Variants in ERC2 observed in about 807,000 individuals in gnomAD.
ERC2 encodes the protein ELKS/RAB6-interacting/CAST family member 2, also known as ERC protein 2.
Under a neutral mutation model 114.8 loss-of-function variants are expected in ERC2, and 42 were observed. That is an observed-to-expected ratio of 0.37 (90% confidence interval 0.29 to 0.47). The LOEUF (loss-of-function observed/expected upper bound fraction) is 0.47. Among genes scored for constraint, ERC2 ranks in the 20% least tolerant of loss-of-function variants. The pLI is 0.99. For synonymous variants in ERC2, 454 were observed against 425.5 expected (o/e 1.07, Z -0.82); for missense variants, 939 against 1,150.7 (o/e 0.82, Z 2.66).
At chr3:55,875,724 A>ACACACACTCTCT (rs1491351730) in intron 14 of ERC2, among the ~76,000 whole-genome samples, 8 of 141,022 alleles carry the variant, frequency 5.7e-5, no homozygotes, top group African/African-American at 1.9e-4. Context: ...ACACACACAC[A>ACACACACTCTCT]CTCTCTCTCT....
At chr3:55,895,048 C>T (rs1002603128) in intron 13 of ERC2, among the ~76,000 whole-genome samples, 2 of 152,222 alleles carry the variant, frequency 1.3e-5, no homozygotes, top group East Asian at 1.9e-4. Context: ...GCCCTGTCTA[C>T]ACCTGACCTC....
intron 8 of ERC2, 82 bp downstream of exon 8, chr3:56,018,812 C>T (rs2073497661): frequency 1.5e-5 from 22 of 1,455,542 alleles, no homozygotes; most frequent in Non-Finnish European, 2.0e-5. Context: ...GAAAAGCAGG[C>T]ACATTTAAAT....
At chr3:56,277,576 T>G (rs2054084421) in intron 3 of ERC2, among the ~76,000 whole-genome samples, 1 of 152,082 alleles carries the variant, frequency 6.6e-6, no homozygotes, top group East Asian at 1.9e-4. Flanking sequence ...GGCATCTTCT[T>G]ATATTCCTTT....
intron 7 of ERC2, among the ~76,000 whole-genome samples, chr3:56,055,663 G>A (rs1237423167): frequency 6.6e-6 from 1 of 152,202 alleles, no homozygotes; most frequent in African/African-American, 2.4e-5. Flanking sequence ...AATGGAGGCT[G>A]GCTTCCAAAT....
At chr3:55,584,721 G>A (rs1182885974) in intron 17 of ERC2, among the ~76,000 whole-genome samples, 1 of 152,198 alleles carries the variant, frequency 6.6e-6, no homozygotes, top group Non-Finnish European at 1.5e-5. Context: ...CAAATACGGT[G>A]GGGAGAGAAA....
chr3:56,333,770 G>A (rs2057735317), intron 2 of ERC2, among the ~76,000 whole-genome samples: 1 of 151,876 alleles, frequency 6.6e-6, no homozygotes, highest in African/African-American at 2.4e-5. Flanking sequence ...TCACCCTTCA[G>A]GAAATTGACT....
At chr3:55,855,619 A>G (rs2061756023) in intron 14 of ERC2, among the ~76,000 whole-genome samples, 1 of 152,232 alleles carries the variant, frequency 6.6e-6, no homozygotes, top group Non-Finnish European at 1.5e-5. Flanking sequence ...AATTTCCTCT[A>G]AATGCTTAAA....
At chr3:55,721,205 T>G (rs2064528023) in intron 15 of ERC2, among the ~76,000 whole-genome samples, 1 of 152,226 alleles carries the variant, frequency 6.6e-6, no homozygotes, top group Non-Finnish European at 1.5e-5. Context: ...CAACCACTTA[T>G]CAGCTCTGTG....
chr3:55,618,956 C>T (rs2059226692), intron 17 of ERC2, among the ~76,000 whole-genome samples: 1 of 152,162 alleles, frequency 6.6e-6, no homozygotes, highest in African/African-American at 2.4e-5. Context: ...GCCTTATCAG[C>T]ACATATAACT....
intron 3 of ERC2, among the ~76,000 whole-genome samples, chr3:56,206,396 A>G (rs6763223): frequency 0.3 from 45,899 of 152,148 alleles, 8,495 homozygotes; most frequent in Middle Eastern, 0.41. Context: ...ATAAGTCAAC[A>G]TATGAAAAGC....
intron 14 of ERC2, among the ~76,000 whole-genome samples, chr3:55,749,001 C>T (rs1490511147): frequency 6.6e-6 from 1 of 152,080 alleles, no homozygotes; most frequent in African/African-American, 2.4e-5. Context: ...ATTTTATATC[C>T]TCAGAGATGT....
intron 10 of ERC2, among the ~76,000 whole-genome samples, chr3:55,992,594 T>G (rs2071169940): frequency 6.6e-6 from 1 of 152,176 alleles, no homozygotes; most frequent in Non-Finnish European, 1.5e-5. Context: ...CCTAAGACAA[T>G]TCAACTCCTC....
intron 2 of ERC2, among the ~76,000 whole-genome samples, chr3:56,403,242 T>C (rs1223692499): frequency 6.6e-6 from 1 of 152,246 alleles, no homozygotes; most frequent in East Asian, 1.9e-4. Flanking sequence ...TATAACTGTT[T>C]CAAAACTCAT....
chr3:55,531,344 C>G (rs1291733584), intron 17 of ERC2, among the ~76,000 whole-genome samples: 1 of 152,156 alleles, frequency 6.6e-6, no homozygotes, highest in Non-Finnish European at 1.5e-5. Flanking sequence ...AAAGCAAGCA[C>G]AGTTTCCCTT....
At chr3:55,683,401 C>T (rs139311210) in intron 17 of ERC2, among the ~76,000 whole-genome samples, 1 of 152,282 alleles carries the variant, frequency 6.6e-6, no homozygotes, top group Non-Finnish European at 1.5e-5. Flanking sequence ...AGAGTCACAC[C>T]ACACTGGCAT....
intron 2 of ERC2, among the ~76,000 whole-genome samples, chr3:56,338,488 G>C (rs1237574216): frequency 6.6e-6 from 1 of 152,092 alleles, no homozygotes; most frequent in Admixed American, 6.5e-5. Flanking sequence ...TGAGAAGATG[G>C]GCCTGCCACC....
chr3:56,213,940 G>C (rs2049263849), intron 3 of ERC2, among the ~76,000 whole-genome samples: 1 of 152,186 alleles, frequency 6.6e-6, no homozygotes. Context: ...TGCAGCTGAA[G>C]GTCCTGACTG....
At chr3:56,193,506 CAA>C (rs369281879) in intron 3 of ERC2, among the ~76,000 whole-genome samples, 3 of 128,718 alleles carry the variant, frequency 2.3e-5, no homozygotes, top group Non-Finnish European at 3.3e-5. Context: ...GACTCTGTCT[CAA>C]AAAAAAAAAA....
At chr3:56,010,982 G>A (rs749329586) in intron 8 of ERC2, among the ~76,000 whole-genome samples, 1 of 152,154 alleles carries the variant, frequency 6.6e-6, no homozygotes, top group Non-Finnish European at 1.5e-5. Flanking sequence ...TCTTGGCTCC[G>A]CCCTCTTTGC....
Sources: gnomAD v4.1 joint callset for allele counts (sites outside exome capture counted in the v4.1 genomes callset) on GRCh38, gnomAD v4.1.1 for gene constraint, MANE v1.5 for transcripts, NCBI Gene and HGNC (gene_info 2026-07-23, HGNC 2026-07-21) for gene names.